Variants in HEATR4 observed in about 807,000 individuals in gnomAD.
The protein encoded by HEATR4 is HEAT repeat containing 4.
In HEATR4, 95 loss-of-function variants were observed where a neutral mutation model predicts 108.8. The observed-to-expected ratio is 0.87, with a 90% CI of 0.74 to 1.04. The LOEUF (loss-of-function observed/expected upper bound fraction) is 1.04, where lower values mean the gene tolerates loss of function less well. Ranked by LOEUF, HEATR4 falls within the 50% of genes least tolerant of loss-of-function variation. The probability of loss-of-function intolerance (pLI) is 0.00; values close to 1 mark genes in which losing one functional copy is unlikely to be tolerated. For synonymous variants in HEATR4, 443 were observed against 459.4 expected (o/e 0.96, Z 0.46); for missense variants, 1,152 against 1,253.8 (o/e 0.92, Z 1.23).
chr14:73,537,939 G>A (rs1219118201), intron 1 of HEATR4: 3 of 1,045,590 alleles, frequency 2.9e-6, no homozygotes, highest in Non-Finnish European at 3.7e-6. Context: ...TTTCCACTGT[G>A]TGTGTGTGTG....
At chr14:73,574,389 C>T in the HEATR4 span, 1 of 193,680 alleles carries the variant, frequency 5.2e-6, no homozygotes, top group Non-Finnish European at 1.1e-5. Flanking sequence ...CTCAGCCTCC[C>T]ACGTAGCTGT....
Position 73,492,329 on chromosome 14 carries a change from C to T in HEATR4, c.2844+737G>A. ...TGACTTCTTAGAGGCCATACTGCCTCTGGCAGTGCAGGCTGCAATGGAAGA... is the reference window on the plus strand; with the variant it reads ...TGACTTCTTAGAGGCCATACTGCCTTTGGCAGTGCAGGCTGCAATGGAAGA... On this transcript the variant is annotated intron_variant, in intron 17 of 17. Coordinates refer to ENST00000553558, the MANE Select transcript of HEATR4 (RefSeq NM_001220484.1). The surrounding 1 kb of genome is among the most constrained non-coding windows in gnomAD (Gnocchi z 4.9). 1.2e-6 allele frequency: 2 copies of T among 1,614,036 alleles called. No homozygotes were observed. The highest frequency in any genetic ancestry group is 1.7e-6 in the Non-Finnish European group (2 of 1,179,888).
chr14:73,571,842 C>A, the HEATR4 span, among the ~76,000 whole-genome samples: 2 of 152,068 alleles, frequency 1.3e-5, no homozygotes, highest in Non-Finnish European at 2.9e-5. Context: ...ATAGGAAAAC[C>A]TCTTCCTGTC....
chr14:73,510,620 G>A (rs1041227050), intron 7 of HEATR4, among the ~76,000 whole-genome samples: 2 of 152,038 alleles, frequency 1.3e-5, no homozygotes, highest in African/African-American at 4.8e-5. Flanking sequence ...ATTTTTGGTA[G>A]AGATGAGGTT....
In HEATR4 at chr14:73,534,598, A is replaced by T. The variant is rs191952505; in HGVS notation, c.-151-4354T>A. Among the ~76,000 whole-genome samples, 18 of 108,808 alleles carry T rather than the reference A, an allele frequency of 1.7e-4. 4 individuals carry two copies. The highest frequency in any genetic ancestry group is 5.1e-3 in the Middle Eastern group (1 of 196). 71.4% of individuals were successfully genotyped at this position (108,808 alleles called of 152,430 possible). On this transcript the variant is annotated intron_variant, in intron 1 of 17. Coordinates refer to ENST00000553558, the MANE Select transcript of HEATR4 (RefSeq NM_001220484.1). ...CAGGTGCTCGGGAGGCTGAGGTGGG[A>T]GAACTGTCTAAGCCTGGGAGGTTGA...
intron 3 of HEATR4, 123 bp from the exon 4 acceptor site, chr14:73,521,162 C>G (rs1191609633): frequency 1.2e-6 from 1 of 804,382 alleles, no homozygotes; most frequent in African/African-American, 1.7e-5. Context: ...GTGAGCATTG[C>G]AGAACACCAA....
the HEATR4 span, chr14:73,573,309 G>C: frequency 6.3e-7 from 1 of 1,595,400 alleles, no homozygotes; most frequent in East Asian, 2.2e-5. Context: ...CACATGTGTG[G>C]TAAGTATATG....
chr14:73,561,086 C>T (rs145398112), upstream of HEATR4, among the ~76,000 whole-genome samples: 632 of 152,216 alleles, frequency 4.2e-3, 9 homozygotes, highest in African/African-American at 0.014. Flanking sequence ...ATGAAATGGG[C>T]TGGGCGTGGT....
chr14:73,592,363 G>C, the HEATR4 span: 1 of 1,582,026 alleles, frequency 6.3e-7, no homozygotes, highest in Non-Finnish European at 8.6e-7. Flanking sequence ...CCAGGGGTGC[G>C]GCGCCAGTCG....
chr14:73,492,570 A>G lies in HEATR4; in HGVS notation c.2844+496T>C. ...CTGCCCCCTGTTTTGACTGATAGGG[A>G]GAGGGCACTAAGTGTTTACGGGCTT... On this transcript the variant is annotated intron_variant, in intron 17 of 17. Transcript: ENST00000553558. The surrounding 1 kb of genome is among the most constrained non-coding windows in gnomAD (Gnocchi z 4.9). 1 of 1,613,904 alleles carries G rather than the reference A, an allele frequency of 6.2e-7. No individual in the cohort carries two copies. Among genetic ancestry groups the G allele is most frequent in the East Asian group, 2.2e-5 (1 of 44,886 alleles).
the HEATR4 span, among the ~76,000 whole-genome samples, chr14:73,589,479 C>T: frequency 2.0e-5 from 3 of 152,070 alleles, no homozygotes; most frequent in Admixed American, 1.3e-4. Flanking sequence ...ATCACCATGC[C>T]CCACTAATTT....
Position 73,508,282 on chromosome 14 carries a change from T to C in HEATR4, c.1733A>G (p.Asp578Gly). Reference protein sequence around the residue: ...QTALLKGNSVDSWAAAQCLAL... With the variant: ...QTALLKGNSVGSWAAAQCLAL... ...CAAGCACTGAGCTGCAGCCCAGCTA[T>C]CCACACTGTTACCTGCCACAGTTGG... Residue 578 changes from aspartate to glycine, a missense_variant, in exon 9 of 18, where the codon GAT becomes GGT. Asp to Gly is a moderately conservative substitution (Grantham distance 94). Coordinates refer to ENST00000553558, the MANE Select transcript of HEATR4 (RefSeq NM_001220484.1). The C allele has an allele frequency of 2.5e-6, 4 of 1,613,818 alleles. No homozygotes were observed. The highest frequency in any genetic ancestry group is 3.4e-6 in the Non-Finnish European group (4 of 1,179,986).
At chr14:73,572,639 ATTTTTTT>A in the HEATR4 span, among the ~76,000 whole-genome samples, 29 of 107,202 alleles carry the variant, frequency 2.7e-4, 2 homozygotes, top group South Asian at 1.6e-3. Flanking sequence ...AGGTGTTTGC[ATTTTTTT>A]TTTTTTTTTT....
intron 12 of HEATR4, 116 bp downstream of exon 12, chr14:73,500,433 GT>G: frequency 1.7e-6 from 2 of 1,148,460 alleles, no homozygotes; most frequent in Non-Finnish European, 2.5e-6. Flanking sequence ...CCCCTTCCCA[GT>G]TCCAATCTCT....
chr14:73,560,942 G>A (rs1889523345), upstream of HEATR4, among the ~76,000 whole-genome samples: 2 of 152,140 alleles, frequency 1.3e-5, no homozygotes, highest in South Asian at 2.1e-4. Flanking sequence ...ACAGATATTT[G>A]TATACCCATG....
chr14:73,484,224 T>C lies in HEATR4; in HGVS notation c.2845-5382A>G, dbSNP rs1017563288. Reference sequence around the variant, plus strand: ...TTTTTCAAAATTATTTTATAGGTTATATGAGCAAGCAAAAGAGTTGGAAAT... The same window carrying C: ...TTTTTCAAAATTATTTTATAGGTTACATGAGCAAGCAAAAGAGTTGGAAAT... On this transcript the variant is annotated intron_variant, in intron 17 of 17. Coordinates refer to ENST00000553558, the MANE Select transcript of HEATR4 (RefSeq NM_001220484.1). 2.0e-5 allele frequency among the ~76,000 whole-genome samples: 3 copies of C among 151,836 alleles called. No individual in the cohort carries two copies. The Admixed American group carries it at 2.0e-4, about 10-fold the overall frequency.
upstream of HEATR4, among the ~76,000 whole-genome samples, chr14:73,559,197 G>A (rs1399614806): frequency 2.6e-5 from 4 of 151,732 alleles, no homozygotes; most frequent in Non-Finnish European, 4.4e-5. Context: ...GCAGTGGTGC[G>A]ATCTCGGCTC....
At position 73,522,909 on chromosome 14, in the gene HEATR4, C is replaced by T; in HGVS notation, c.244G>A (p.Gly82Ser). ...TGGCTATAAGGAATGCTGGGCAGGC[C>T]TCGCTGCCACACCACCTCCTGAGAG... is the stretch of plus-strand genomic sequence containing the variant. ...TFSQEVVWQR[G>S]LPSIPYSQYS... Residue 82 changes from glycine (G) to serine (S), a missense_variant, in exon 3 of 18, where the codon GGC (glycine) becomes AGC (serine). Transcript: ENST00000553558. The T allele has an allele frequency of 6.2e-7, 1 of 1,614,164 alleles. No individual in the cohort carries two copies. The highest frequency in any genetic ancestry group is 1.3e-5 in the African/African-American group (1 of 75,038).
chr14:73,629,230 T>C, the HEATR4 span, among the ~76,000 whole-genome samples: 1 of 152,168 alleles, frequency 6.6e-6, no homozygotes, highest in African/African-American at 2.4e-5. Flanking sequence ...TGTTTTTTCA[T>C]TAAGGTATGT....
Sources: allele counts gnomAD v4.1 joint callset (sites outside exome capture counted in the v4.1 genomes callset), GRCh38; gene constraint gnomAD v4.1.1; non-coding constraint Gnocchi (gnomAD v3.1); transcripts MANE v1.5; gene names NCBI Gene and HGNC (gene_info 2026-07-23, HGNC 2026-07-21).